The following PPP2R2B variants were observed in gnomAD, a reference collection of about 807,000 sequenced individuals.
PPP2R2B encodes serine/threonine-protein phosphatase 2A 55 kDa regulatory subunit B beta isoform.
In PPP2R2B, 5 loss-of-function variants were observed where a neutral mutation model predicts 46.0. The observed-to-expected ratio is 0.11, with a 90% CI of 0.06 to 0.23. The LOEUF (loss-of-function observed/expected upper bound fraction) is 0.23, where lower values mean the gene tolerates loss of function less well. Ranked by LOEUF, PPP2R2B falls within the 10% of genes least tolerant of loss-of-function variation. The pLI is 1.00. For synonymous variants in PPP2R2B, 215 were observed against 206.7 expected (o/e 1.04, Z -0.34); for missense variants, 367 against 575.0 (o/e 0.64, Z 3.70).
intron 1 of PPP2R2B, among the ~76,000 whole-genome samples, chr5:146,923,562 G>A (rs897606321): frequency 5.9e-5 from 9 of 152,134 alleles, no homozygotes; most frequent in Admixed American, 2.0e-4. Flanking sequence ...TGGGTTTGTC[G>A]GAAGCCCTTC....
chr5:146,808,240 A>T (rs1200241310), intron 2 of PPP2R2B, among the ~76,000 whole-genome samples: 1 of 152,212 alleles, frequency 6.6e-6, no homozygotes, highest in Non-Finnish European at 1.5e-5. Context: ...AATTTAAATT[A>T]AAAACTCAGT....
intron 1 of PPP2R2B, among the ~76,000 whole-genome samples, chr5:146,898,296 T>C (rs1206984311): frequency 6.6e-6 from 1 of 152,194 alleles, no homozygotes; most frequent in Non-Finnish European, 1.5e-5. Context: ...TTGGTACCAG[T>C]ACCATGCTGT....
rs534861770 is a variant in PPP2R2B at position 146,680,275 on chromosome 5, C to G, written c.447+10853G>C. On this transcript the variant is annotated intron_variant, in intron 5 of 9. Transcript: ENST00000394411. The stretch of plus-strand genomic sequence containing the variant: ...ATGGATGAAATTGGAAATCATCATT[C>G]TCAGTAAACTATCGCAAGAACAAAA... Among the ~76,000 whole-genome samples, 1,128 of 149,262 alleles carry G rather than the reference C, an allele frequency of 7.6e-3. 19 individuals carry two copies. The highest frequency in any genetic ancestry group is 0.027 in the African/African-American group (1,082 of 40,052).
intron 7 of PPP2R2B, among the ~76,000 whole-genome samples, chr5:146,609,321 T>C (rs1280158408): frequency 6.6e-6 from 1 of 152,208 alleles, no homozygotes; most frequent in African/African-American, 2.4e-5. Context: ...GTCACCACTG[T>C]TGCTCAACAT....
intron 1 of PPP2R2B, among the ~76,000 whole-genome samples, chr5:147,034,034 A>ATATGGCC (rs1755917246): frequency 1.3e-5 from 2 of 151,996 alleles, no homozygotes; most frequent in Admixed American, 1.3e-4. Flanking sequence ...TTAAGGCCAT[A>ATATGGCC]TATGGCCTAG....
At chr5:146,801,414 A>C (rs1347841005) in intron 2 of PPP2R2B, among the ~76,000 whole-genome samples, 2 of 152,246 alleles carry the variant, frequency 1.3e-5, no homozygotes, top group Non-Finnish European at 2.9e-5. Context: ...TGACACATAC[A>C]TCAAATCAAG....
chr5:146,827,079 C>T (rs2151342454), intron 2 of PPP2R2B, among the ~76,000 whole-genome samples: 1 of 152,174 alleles, frequency 6.6e-6, no homozygotes, highest in East Asian at 1.9e-4. Flanking sequence ...ATTTTAAGTC[C>T]ACAAAGGTAT....
intron 2 of PPP2R2B, among the ~76,000 whole-genome samples, chr5:147,071,635 A>AT (rs1353962594): frequency 6.6e-6 from 1 of 150,946 alleles, no homozygotes; most frequent in Non-Finnish European, 1.5e-5. Context: ...TCACAAGACG[A>AT]TATTTTTTTT....
intron 1 of PPP2R2B, among the ~76,000 whole-genome samples, chr5:146,890,321 G>A (rs319191): frequency 0.021 from 3,263 of 152,334 alleles, 114 homozygotes; most frequent in African/African-American, 0.074. Flanking sequence ...CTGAGCCACG[G>A]CTGTAGAGGT....
At chr5:146,851,524 A>T (rs1760350454) in intron 2 of PPP2R2B, among the ~76,000 whole-genome samples, 1 of 152,188 alleles carries the variant, frequency 6.6e-6, no homozygotes, top group Admixed American at 6.6e-5. Context: ...CCTCACTGGG[A>T]TAACCTGCAT....
intron 1 of PPP2R2B, among the ~76,000 whole-genome samples, chr5:146,890,332 C>T (rs150364646): frequency 1.3e-5 from 2 of 152,332 alleles, no homozygotes; most frequent in African/African-American, 4.8e-5. Flanking sequence ...CTGTAGAGGT[C>T]AGGTTGGAAG....
At chr5:146,783,868 T>C (rs1257033580) in intron 2 of PPP2R2B, among the ~76,000 whole-genome samples, 2 of 152,246 alleles carry the variant, frequency 1.3e-5, no homozygotes, top group Non-Finnish European at 2.9e-5. Flanking sequence ...GCAAGAAGGC[T>C]GTGCTTCTGC....
rs368519002 is a variant in PPP2R2B at position 146,638,357 on chromosome 5, G to T, written c.684C>A (p.Ala228=). 4.3e-6 allele frequency: 7 copies of T among 1,613,208 alleles called. No homozygotes were observed. The Admixed American group carries it at 8.3e-5, about 19-fold the overall frequency. The part of the protein sequence containing the change: ...MEELTEVITA[A]EFHPHHCNTF... ...TGTTGCAATGATGGGGGTGGAACTC[G>T]GCTGCTGTGATCACCTCCGTGAGCT... Residue 228 remains alanine, a synonymous_variant, in exon 7 of 10, where the codon GCC becomes GCA. Transcript: ENST00000394411.
intron 7 of PPP2R2B, among the ~76,000 whole-genome samples, chr5:146,620,778 A>G (rs192634769): frequency 1.5e-4 from 23 of 151,788 alleles, no homozygotes; most frequent in East Asian, 1.9e-4. Flanking sequence ...CTTCCCTCTC[A>G]TAATTTGTTC....
intron 2 of PPP2R2B, among the ~76,000 whole-genome samples, chr5:146,752,186 G>A (rs569753931): frequency 6.6e-6 from 1 of 152,252 alleles, no homozygotes; most frequent in South Asian, 2.1e-4. Context: ...TGATCAGCTT[G>A]AGACGCTGTC....
intron 2 of PPP2R2B, among the ~76,000 whole-genome samples, chr5:146,804,171 A>G (rs983535875): frequency 5.3e-5 from 8 of 151,936 alleles, no homozygotes; most frequent in African/African-American, 1.9e-4. Flanking sequence ...TGTCTCAAAA[A>G]AAAAAAATTA....
At chr5:147,057,800 A>ACATTTCT (rs1389774212), upstream of PPP2R2B, among the ~76,000 whole-genome samples, 1 of 152,162 alleles carries the variant, frequency 6.6e-6, no homozygotes, top group Non-Finnish European at 1.5e-5. Flanking sequence ...CCTGCCTTTG[A>ACATTTCT]CATTGACTTG....
intron 2 of PPP2R2B, among the ~76,000 whole-genome samples, chr5:146,702,560 G>C (rs1202425323): frequency 5.3e-5 from 8 of 152,206 alleles, no homozygotes; most frequent in Non-Finnish European, 1.2e-4. Context: ...GCTGATTGGG[G>C]CCATGATTGC....
At position 147,017,602 on chromosome 5, in the gene PPP2R2B, G is replaced by T. The variant is rs6885674; in HGVS notation, c.79+38063C>A. The stretch of plus-strand genomic sequence containing the variant: ...TAGGAATGCAAAGAGAAAGAGAAGA[G>T]AAAAATCAAATGAAAATAAATTTGT... On this transcript the variant is annotated intron_variant, in intron 1 of 8. Transcript: ENST00000336640. Among the ~76,000 whole-genome samples, 1,131 of 151,476 alleles carry T rather than the reference G, an allele frequency of 7.5e-3. 16 individuals are homozygous for T. Among genetic ancestry groups the T allele is most frequent in the African/African-American group, 0.026 (1,080 of 41,472 alleles).
Sources: allele counts gnomAD v4.1 joint callset (sites outside exome capture counted in the v4.1 genomes callset), GRCh38; gene constraint gnomAD v4.1.1; transcripts MANE v1.5; gene names NCBI Gene and HGNC (gene_info 2026-07-23, HGNC 2026-07-21).